The following DIDO1 variants were observed in gnomAD, a reference collection of about 807,000 sequenced individuals.
DIDO1 encodes death-inducer obliterator 1.
Under a neutral mutation model 99.4 loss-of-function variants are expected in DIDO1, and 16 were observed. The observed-to-expected ratio is 0.16, with a 90% CI of 0.11 to 0.24. The LOEUF (loss-of-function observed/expected upper bound fraction) is 0.24, where lower values mean the gene tolerates loss of function less well. DIDO1 is among the 10% of genes least tolerant of loss of function. The pLI, the probability that DIDO1 is intolerant of heterozygous loss-of-function variation, is 1.00. For missense variants in DIDO1, 2,996 were observed against 3,014.0 expected (o/e 0.99, Z 0.14); for synonymous variants, 1,366 against 1,239.1 (o/e 1.10, Z -2.15).
chr20:62,924,714 T>TG (rs1185831682), intron 1 of DIDO1, among the ~76,000 whole-genome samples: 4 of 152,264 alleles, frequency 2.6e-5, no homozygotes, highest in East Asian at 1.9e-4. Flanking sequence ...GGCTCACATA[T>TG]GCACATGCAA....
chr20:62,890,001 T>C (rs1344672393), intron 15 of DIDO1: 1 of 985,056 alleles, frequency 1.0e-6, no homozygotes, highest in East Asian at 1.1e-4. Flanking sequence ...AGATGTGGAG[T>C]GGCCCCTACA....
chr20:62,879,180 C>T lies in DIDO1; in HGVS notation c.*53G>A, dbSNP rs967680441. ...GTGGCTATTTCAAAAGCTATTTGTTCAACGCATCTTACGAACGTGGCTTTA... is the reference window on the plus strand; with the variant it reads ...GTGGCTATTTCAAAAGCTATTTGTTTAACGCATCTTACGAACGTGGCTTTA... On this transcript the variant is annotated 3_prime_UTR_variant, in exon 16 of 16. Transcript: ENST00000395343. This position sits in a 1 kb window ranked among gnomAD's most constrained non-coding sequence, Gnocchi z 6.3. 4 of 1,407,362 alleles carry T rather than the reference C, an allele frequency of 2.8e-6. No homozygotes were observed. The South Asian group carries it at 6.2e-5, about 22-fold the overall frequency. 87.2% of individuals were successfully genotyped at this position (1,407,362 alleles called of 1,614,324 possible).
intron 1 of DIDO1, among the ~76,000 whole-genome samples, chr20:62,922,977 G>C (rs2065184507): frequency 6.6e-6 from 1 of 152,138 alleles, no homozygotes; most frequent in Admixed American, 6.5e-5. Flanking sequence ...GAAAAATCAA[G>C]AAACATCTAT....
chr20:62,898,191 G>C (rs1365723339), intron 6 of DIDO1, among the ~76,000 whole-genome samples: 4 of 152,226 alleles, frequency 2.6e-5, no homozygotes, highest in Admixed American at 2.6e-4. Flanking sequence ...AATGAGGTAA[G>C]TCTGAAAGCT....
At position 62,894,915 on chromosome 20, in the gene DIDO1, C is replaced by G; in HGVS notation, c.2332-1G>C. ...GCAGTTTAGTTCTGGACTCCATCACCTGAAATGAAAAAGACGAAACAGAGC... is the reference window on the plus strand; with the variant it reads ...GCAGTTTAGTTCTGGACTCCATCACGTGAAATGAAAAAGACGAAACAGAGC... On this transcript the variant is annotated splice_acceptor_variant, in intron 9 of 15. Transcript: ENST00000395343. LOFTEE classifies it high-confidence loss of function. This position sits in a 1 kb window ranked among gnomAD's most constrained non-coding sequence, Gnocchi z 4.4. 6.2e-7 allele frequency: 1 copy of G among 1,612,800 alleles called. No homozygotes were observed. The highest frequency in any genetic ancestry group is 8.5e-7 in the Non-Finnish European group (1 of 1,179,612).
chr20:62,906,099 G>C lies in DIDO1; in HGVS notation c.1376C>G (p.Ala459Gly). 4.4e-6 allele frequency: 7 copies of C among 1,605,064 alleles called. No individual in the cohort carries two copies. Among genetic ancestry groups the C allele is most frequent in the Non-Finnish European group, 6.0e-6 (7 of 1,175,384 alleles). Residue 459 changes from alanine (A) to glycine (G), a missense_variant and splice_region_variant, in exon 6 of 16, where the codon GCA becomes GGA. Physicochemically the swap from Ala to Gly is moderately conservative, Grantham distance 60. This residue lies in a region of DIDO1 where 898 missense variants were observed against 972.7 expected (regional missense o/e 0.92). Transcript: ENST00000395343. ...KPSLPKCGAQ[A>G]GIKISSVHKR... The stretch of plus-strand genomic sequence containing the variant: ...GTGCACAGAAGAGATTTTAATACCT[G>C]CCTGGATAATCAGTAAAACCCCAAA...
At position 62,881,440 on chromosome 20, in the gene DIDO1, C is replaced by T; in HGVS notation, c.4516G>A (p.Ala1506Thr). The change falls in exon 16 of 16, where the codon GCC becomes ACC. Residue 1506 changes from alanine (A) to threonine (T), a missense_variant. Ala to Thr is a moderately conservative substitution (Grantham distance 58). This residue lies in a region of DIDO1 where 1,562 missense variants were observed against 1,412.6 expected (regional missense o/e 1.11). Coordinates refer to ENST00000395343, the MANE Select transcript of DIDO1 (RefSeq NM_001193369.2). The surrounding 1 kb of genome is among the most constrained non-coding windows in gnomAD (Gnocchi z 8.3). ...AAGTGGGCCATGGAGACCCCGACGG[C>T]GGCCCTCTGCTGCCTGAGAGCTTCT... The part of the protein sequence containing the change: ...QEEALRQQRA[A>T]VGVSMAHFSV... 6.2e-7 allele frequency: 1 copy of T among 1,609,078 alleles called. No homozygotes were observed. The highest frequency in any genetic ancestry group is 8.5e-7 in the Non-Finnish European group (1 of 1,179,990).
chr20:62,913,519 C>A (rs906156528), intron 2 of DIDO1, among the ~76,000 whole-genome samples: 1 of 152,238 alleles, frequency 6.6e-6, no homozygotes, highest in Non-Finnish European at 1.5e-5. Context: ...AATTATTAAA[C>A]CACATCAGTT....
chr20:62,925,397 T>C (rs886290408), intron 1 of DIDO1, among the ~76,000 whole-genome samples: 2 of 152,144 alleles, frequency 1.3e-5, no homozygotes, highest in African/African-American at 4.8e-5. Flanking sequence ...ACGGAAACCA[T>C]GGAACACGGG....
chr20:62,920,770 A>G (rs550558692), intron 1 of DIDO1, among the ~76,000 whole-genome samples: 1 of 152,370 alleles, frequency 6.6e-6, no homozygotes, highest in South Asian at 2.1e-4. Flanking sequence ...ATTCGGAAGG[A>G]GAATCCAGAA....
chr20:62,893,683 A>G lies in DIDO1; in HGVS notation c.3084T>C (p.Pro1028=), dbSNP rs1466368082. ...SSPDPRYLSV[P]PSPNISTSES... ...GTACGCACCTGATATTTGGTGACGGAGGAACTGACAGGTATCTTGGGTCAG... is the reference window on the plus strand; with the variant it reads ...GTACGCACCTGATATTTGGTGACGGGGGAACTGACAGGTATCTTGGGTCAG... Residue 1028 remains proline (P), a synonymous_variant, in exon 12 of 16, where the codon CCT becomes CCC. Transcript: ENST00000395343. 3 of 1,602,164 alleles carry G rather than the reference A, an allele frequency of 1.9e-6. No homozygotes were observed. The South Asian group carries it at 3.3e-5, about 18-fold the overall frequency.
At chr20:62,912,036 G>A (rs2064955463) in intron 2 of DIDO1, among the ~76,000 whole-genome samples, 1 of 152,230 alleles carries the variant, frequency 6.6e-6, no homozygotes, top group Non-Finnish European at 1.5e-5. Flanking sequence ...GGGCTGCTCT[G>A]ACCACAAGCA....
At chr20:62,919,899 C>A (rs1204409554) in intron 1 of DIDO1, among the ~76,000 whole-genome samples, 2 of 152,222 alleles carry the variant, frequency 1.3e-5, no homozygotes, top group Non-Finnish European at 2.9e-5. Flanking sequence ...GAAACAGTCA[C>A]ATAAAATCAT....
rs746238090 is a variant in DIDO1, at chr20:62,881,605, C to T, written c.4351G>A (p.Asp1451Asn). 27 of 1,612,240 alleles carry T rather than the reference C, an allele frequency of 1.7e-5. No homozygotes were observed. Among genetic ancestry groups the T allele is most frequent in the Middle Eastern group, 1.6e-4 (1 of 6,062 alleles). ...VDDLPNRMCA[D>N]VRRNSVERPA... ...CTCTCCACGGAGTTCCTTCTCACGT[C>T]GGCACACATCCTGTTGGGCAGGTCA... Residue 1451 changes from aspartate to asparagine, a missense_variant, in exon 16 of 16, where the codon GAC (aspartate) becomes AAC (asparagine). Asp to Asn is a conservative substitution (Grantham distance 23, BLOSUM62 1). This residue lies in a region of DIDO1 where 1,562 missense variants were observed against 1,412.6 expected (regional missense o/e 1.11). Coordinates refer to ENST00000395343, the MANE Select transcript of DIDO1 (RefSeq NM_001193369.2). This position sits in a 1 kb window ranked among gnomAD's most constrained non-coding sequence, Gnocchi z 8.3.
intron 1 of DIDO1, among the ~76,000 whole-genome samples, chr20:62,915,928 G>A (rs1193685763): frequency 6.6e-6 from 1 of 152,176 alleles, no homozygotes; most frequent in Non-Finnish European, 1.5e-5. Context: ...GAAAAATGTA[G>A]TTATTTCTGT....
chr20:62,909,815 C>G lies in DIDO1; in HGVS notation c.1045G>C (p.Asp349His). 1 of 1,614,248 alleles carries G rather than the reference C, an allele frequency of 6.2e-7. No homozygotes were observed. The highest frequency in any genetic ancestry group is 2.2e-5 in the East Asian group (1 of 44,890). ...KWRPGDADGT[D>H]CTSIGTIEQK... is the part of the protein sequence containing the mutation. ...TCTATTGTTCCTATACTTGTACAAT[C>G]GGTGCCATCAGCATCTCCAGGTCTC... Residue 349 changes from aspartate (D) to histidine (H), a missense_variant, in exon 4 of 16, where the codon GAT (aspartate) becomes CAT (histidine). By Grantham distance (81) the Asp-to-His change is moderately conservative. This residue lies in a region of DIDO1 where 898 missense variants were observed against 972.7 expected (regional missense o/e 0.92). Coordinates refer to ENST00000395343, the MANE Select transcript of DIDO1 (RefSeq NM_001193369.2).
intron 6 of DIDO1, among the ~76,000 whole-genome samples, chr20:62,899,240 A>G (rs145829476): frequency 2.6e-5 from 4 of 152,352 alleles, no homozygotes; most frequent in East Asian, 3.9e-4. Flanking sequence ...GAGTGTTTTA[A>G]TATCACGTTT....
rs571411398 is a variant in DIDO1, at chr20:62,896,189, G to C, written c.2214+44C>G. 6.4e-5 allele frequency: 101 copies of C among 1,574,676 alleles called. No individual in the cohort carries two copies. Among genetic ancestry groups the C allele is most frequent in the Non-Finnish European group, 8.6e-5 (100 of 1,160,076 alleles). Reference sequence around the variant, plus strand: ...TTGGTTGATCCCTTTAGCACCCAGCGAACAGAACAGGAATACTCCAATGCA... The same window carrying C: ...TTGGTTGATCCCTTTAGCACCCAGCCAACAGAACAGGAATACTCCAATGCA... On this transcript the variant is annotated intron_variant, in intron 8 of 15. Coordinates refer to ENST00000395343, the MANE Select transcript of DIDO1 (RefSeq NM_001193369.2). The surrounding 1 kb of genome is among the most constrained non-coding windows in gnomAD (Gnocchi z 4.4).
intron 1 of DIDO1, among the ~76,000 whole-genome samples, chr20:62,937,582 G>A (rs1430771972): frequency 6.6e-6 from 1 of 152,238 alleles, no homozygotes; most frequent in Non-Finnish European, 1.5e-5. Context: ...GAGTAAAGCG[G>A]GGGAACTCGC....
Sources: gnomAD v4.1 joint callset for allele counts (sites outside exome capture counted in the v4.1 genomes callset) on GRCh38, gnomAD v4.1.1 for gene constraint, gnomAD v4.1.1 regional missense constraint, Gnocchi (gnomAD v3.1) non-coding constraint, MANE v1.5 for transcripts, NCBI Gene and HGNC (gene_info 2026-07-23, HGNC 2026-07-21) for gene names.